The following ACSF2 variants were observed in gnomAD, a reference collection of about 807,000 sequenced individuals.
ACSF2 encodes the protein acyl-CoA synthetase family member 2.
In ACSF2, 52 loss-of-function variants were observed where a neutral mutation model predicts 79.3. The ratio of observed to expected loss-of-function variants is 0.66; its 90% CI spans 0.53 to 0.83. The LOEUF is 0.83. Among genes scored for constraint, ACSF2 ranks in the 40% least tolerant of loss-of-function variants. ACSF2 has a pLI of 0.00. For missense variants in ACSF2, 661 were observed against 803.3 expected, an observed-to-expected ratio of 0.82 and a Z score of 2.14; for synonymous variants, 283 against 312.6, an observed-to-expected ratio of 0.91 and a Z score of 1.00.
At chr17:50,433,138 C>T (rs936223836) in intron 1 of ACSF2, among the ~76,000 whole-genome samples, 2 of 147,672 alleles carry the variant, frequency 1.4e-5, no homozygotes, top group African/African-American at 5.0e-5. Flanking sequence ...GACGGAGTCT[C>T]GCACTATCAC....
intron 2 of ACSF2, 181 bp downstream of exon 2, chr17:50,461,053 T>C (rs2032300073): frequency 9.0e-7 from 1 of 1,110,638 alleles, no homozygotes. Context: ...ATGCCTCCTG[T>C]ATCAGCAGCT....
intron 1 of ACSF2, among the ~76,000 whole-genome samples, chr17:50,457,676 G>A (rs144634278): frequency 5.3e-5 from 8 of 152,294 alleles, no homozygotes; most frequent in African/African-American, 1.9e-4. Context: ...CTTAATCCGA[G>A]AGTTGAAATG....
rs529495688 is a variant in ACSF2, at chr17:50,427,012, C to G, written c.128+623C>G. ...AAGCTGCCTTCCCGGTGTGACCAGT[C>G]CTTGGGAGGACCCCGTGAGATGGCA... is the stretch of plus-strand genomic sequence containing the variant. On this transcript the variant is annotated intron_variant, in intron 1 of 15. Transcript: ENST00000300441. The G allele has an allele frequency of 2.1e-4, 322 of 1,533,200 alleles. 1 individual carries two copies. In the African/African-American group the frequency reaches 3.4e-3, roughly 16 times the overall value. 95.0% of individuals were successfully genotyped at this position (1,533,200 alleles called of 1,614,324 possible).
rs367961235 is a variant in ACSF2 at position 50,474,588 on chromosome 17, A to C, written c.*36A>C. 1.2e-6 allele frequency: 2 copies of C among 1,607,612 alleles called. No homozygotes were observed. Among genetic ancestry groups the C allele is most frequent in the South Asian group, 2.2e-5 (2 of 90,910 alleles). On this transcript the variant is annotated 3_prime_UTR_variant, in exon 16 of 16. Coordinates refer to ENST00000300441, the MANE Select transcript of ACSF2 (RefSeq NM_025149.6). This position sits in a 1 kb window ranked among gnomAD's most constrained non-coding sequence, Gnocchi z 4.2. ...AGGCCTGTCCTGGCCGGTTGGCTTG[A>C]CTCTCTCCTGTCAGAATGCAACCTG... is the stretch of plus-strand genomic sequence containing the variant.
intron 1 of ACSF2, among the ~76,000 whole-genome samples, chr17:50,442,066 A>T (rs987928793): frequency 1.3e-5 from 2 of 152,054 alleles, no homozygotes; most frequent in African/African-American, 4.8e-5. Context: ...GCACTTTGGG[A>T]GGCCCAGATG....
rs1410176548 is a variant in ACSF2 at position 50,426,237 on chromosome 17, G to T, written c.-25G>T. On this transcript the variant is annotated 5_prime_UTR_variant, in exon 1 of 16. Coordinates refer to ENST00000300441, the MANE Select transcript of ACSF2 (RefSeq NM_025149.6). ...CGGCTCACTTTAAAAGTTTACTCGG[G>T]CCGGGACGCAGGGCAAAGCGAGCCA... 1.5e-6 allele frequency: 2 copies of T among 1,320,156 alleles called. No individual in the cohort carries two copies. Among genetic ancestry groups the T allele is most frequent in the Non-Finnish European group, 9.7e-7 (1 of 1,028,006 alleles). 81.8% of individuals were successfully genotyped at this position (1,320,156 alleles called of 1,614,324 possible). A position where few individuals can be genotyped will look rare whatever the true frequency, so the allele number is the denominator to read the frequency against.
Position 50,462,296 on chromosome 17 carries a change from G to A in ACSF2, c.620G>A (p.Ser207Asn). 6.2e-7 allele frequency: 1 copy of A among 1,613,982 alleles called. No individual in the cohort carries two copies. Among genetic ancestry groups the A allele is most frequent in the Non-Finnish European group, 8.5e-7 (1 of 1,179,980 alleles). ...VENAQPGALK[S>N]QRLPDLTTVI... ...AATGCCCAGCCAGGGGCCTTGAAGA[G>A]TCAGAGGTGGGTGTGTCCCAGGTTA... The change falls in exon 5 of 16, where the codon AGT (serine) becomes AAT (asparagine). Residue 207 changes from serine to asparagine, a missense_variant. By Grantham distance (46) the Ser-to-Asn change is conservative. Transcript: ENST00000300441.
At chr17:50,465,342 A>T in intron 10 of ACSF2, 1 of 1,614,060 alleles carries the variant, frequency 6.2e-7, no homozygotes, top group Non-Finnish European at 8.5e-7. Context: ...GGGAACTTGC[A>T]GCTGCGGAAG....
In ACSF2 at chr17:50,466,314, C is replaced by T. The variant is rs181621988; in HGVS notation, c.1215+2020C>T. Among the ~76,000 whole-genome samples, 115 of 152,242 alleles carry T rather than the reference C, an allele frequency of 7.6e-4. 1 individual carries two copies. Among genetic ancestry groups the T allele is most frequent in the African/African-American group, 2.5e-3 (102 of 41,532 alleles). ...CCATGTTAGCCAGGATGGTCTCGAT[C>T]TCCTGACCTCGTGATCTACCCGCCT... On this transcript the variant is annotated intron_variant, in intron 10 of 15. Transcript: ENST00000300441.
chr17:50,469,133 T>A, intron 10 of ACSF2: 1 of 719,858 alleles, frequency 1.4e-6, no homozygotes. Context: ...ATGGTGCTCC[T>A]CTGCCTACCG....
intron 11 of ACSF2, 24 bp from the exon 12 acceptor site, chr17:50,472,404 C>T (rs763210954): frequency 1.2e-6 from 2 of 1,603,652 alleles, no homozygotes; most frequent in Admixed American, 3.4e-5. Flanking sequence ...TAGGAAGCCC[C>T]AACCTGAGGC....
Position 50,473,731 on chromosome 17 carries a change from C to A in ACSF2, c.1542C>A (p.Ile514=), listed in dbSNP as rs200349305. 409 of 1,614,090 alleles carry A rather than the reference C, an allele frequency of 2.5e-4. No individual in the cohort carries two copies. Among genetic ancestry groups the A allele is most frequent in the Non-Finnish European group, 3.2e-4 (377 of 1,180,058 alleles). Residue 514 remains isoleucine (I), a synonymous_variant, in exon 13 of 16, where the codon ATC becomes ATA. Transcript: ENST00000300441. ...TGGGCCGCTCTAAGGATATGATCAT[C>A]CGGGGTGGTGAGAACATCTACCCCG... ...KIVGRSKDMI[I]RGGENIYPAE...
intron 1 of ACSF2, among the ~76,000 whole-genome samples, chr17:50,431,516 G>A (rs759768022): frequency 2.0e-5 from 3 of 152,162 alleles, no homozygotes; most frequent in Non-Finnish European, 2.9e-5. Context: ...TTGTACTTCC[G>A]TGAAATCTCA....
intron 10 of ACSF2, chr17:50,468,123 G>T: frequency 1.9e-6 from 3 of 1,614,134 alleles, no homozygotes; most frequent in Non-Finnish European, 2.5e-6. Flanking sequence ...ATGCTTTTCA[G>T]GGGGTTGTGG....
At position 50,463,569 on chromosome 17, in the gene ACSF2, A is replaced by C; in HGVS notation, c.1046+17A>C. On this transcript the variant is annotated intron_variant, in intron 8 of 15. Coordinates refer to ENST00000300441, the MANE Select transcript of ACSF2 (RefSeq NM_025149.6). This position sits in a 1 kb window ranked among gnomAD's most constrained non-coding sequence, Gnocchi z 4.6. ...CAGAGAGAGGTGGGCACTGGTGGAC[A>C]GGCTACTTGTGGGCTGATAAAACCC... 2.5e-6 allele frequency: 4 copies of C among 1,612,432 alleles called. No homozygotes were observed. Among genetic ancestry groups the C allele is most frequent in the Non-Finnish European group, 3.4e-6 (4 of 1,179,032 alleles).
At chr17:50,451,610 C>T (rs940660067) in intron 1 of ACSF2, among the ~76,000 whole-genome samples, 5 of 152,142 alleles carry the variant, frequency 3.3e-5, no homozygotes, top group African/African-American at 9.7e-5. Flanking sequence ...TAACCACACC[C>T]GGCTAATTTT....
intron 1 of ACSF2, among the ~76,000 whole-genome samples, chr17:50,451,202 T>C (rs1281238366): frequency 6.6e-6 from 1 of 152,158 alleles, no homozygotes; most frequent in African/African-American, 2.4e-5. Flanking sequence ...GCTCAGAGAG[T>C]ACTGGGCTTA....
Position 50,462,416 on chromosome 17 carries a change from C to G in ACSF2, c.627-4C>G. 1 of 1,613,334 alleles carries G rather than the reference C, an allele frequency of 6.2e-7. No homozygotes were observed. Among genetic ancestry groups the G allele is most frequent in the East Asian group, 2.2e-5 (1 of 44,854 alleles). ...CTGTCTCTCACCATCGTCCCCAACC[C>G]CAGGCTCCCAGATCTGACCACAGTC... On this transcript the variant is annotated splice_region_variant and splice_polypyrimidine_tract_variant and intron_variant, in intron 5 of 15. Transcript: ENST00000300441.
intron 10 of ACSF2, 182 bp downstream of exon 10, chr17:50,464,476 A>C (rs1457919931): frequency 1.4e-6 from 1 of 710,208 alleles, no homozygotes; most frequent in South Asian, 1.5e-5. Flanking sequence ...GGTGAAGGAG[A>C]TAGGTGGCAG....
Sources: allele counts gnomAD v4.1 joint callset (sites outside exome capture counted in the v4.1 genomes callset), GRCh38; gene constraint gnomAD v4.1.1; non-coding constraint Gnocchi (gnomAD v3.1); transcripts MANE v1.5; gene names NCBI Gene and HGNC (gene_info 2026-07-23, HGNC 2026-07-21).